Variants in CSMD1 observed in about 807,000 individuals in gnomAD.
The protein encoded by CSMD1 is CUB and sushi domain-containing protein 1.
CSMD1 carries 213 observed loss-of-function variants against 417.5 expected under a neutral mutation model. The ratio of observed to expected loss-of-function variants is 0.51; its 90% CI spans 0.46 to 0.57. CSMD1 has a LOEUF of 0.57. CSMD1 is among the 20% of genes least tolerant of loss of function. The pLI is 0.00. For synonymous variants in CSMD1, 2,862 were observed against 1,736.8 expected (o/e 1.65, Z -16.11); for missense variants, 6,923 against 4,529.7 (o/e 1.53, Z -15.17).
chr8:3,420,269 A>G (rs933522664), intron 12 of CSMD1, among the ~76,000 whole-genome samples: 1 of 152,102 alleles, frequency 6.6e-6, no homozygotes, highest in Non-Finnish European at 1.5e-5. Context: ...ATACAACCTG[A>G]GGAATAGTCT....
intron 12 of CSMD1, among the ~76,000 whole-genome samples, chr8:3,443,138 G>A (rs774326727): frequency 6.6e-6 from 1 of 152,198 alleles, no homozygotes; most frequent in African/African-American, 2.4e-5. Context: ...CTAGTGAGCA[G>A]TGTACACTGC....
At chr8:3,763,384 C>G (rs1423988039) in intron 5 of CSMD1, among the ~76,000 whole-genome samples, 3 of 152,050 alleles carry the variant, frequency 2.0e-5, no homozygotes, top group Admixed American at 6.5e-5. Context: ...GGTGCCTTCC[C>G]CATGGTAATG....
At chr8:4,932,288 C>G (rs185220242) in intron 1 of CSMD1, among the ~76,000 whole-genome samples, 178 of 151,290 alleles carry the variant, frequency 1.2e-3, no homozygotes, top group African/African-American at 4.2e-3. Context: ...ATAAAATTGT[C>G]TTAAAAAGTA....
intron 5 of CSMD1, among the ~76,000 whole-genome samples, chr8:3,904,870 C>G (rs1466960969): frequency 3.3e-5 from 5 of 152,118 alleles, no homozygotes; most frequent in Non-Finnish European, 7.4e-5. Flanking sequence ...CTCTTGACCT[C>G]AAGTGATCCA....
chr8:3,483,856 T>C (rs1817878931), intron 11 of CSMD1, among the ~76,000 whole-genome samples: 1 of 152,158 alleles, frequency 6.6e-6, no homozygotes, highest in African/African-American at 2.4e-5. Flanking sequence ...TCAATCAATG[T>C]CATCCACCAT....
intron 10 of CSMD1, among the ~76,000 whole-genome samples, chr8:3,524,790 G>A (rs944973364): frequency 6.7e-6 from 1 of 149,478 alleles, no homozygotes; most frequent in South Asian, 2.1e-4. Context: ...CGAGAGACAT[G>A]CACACAGAAG....
intron 18 of CSMD1, among the ~76,000 whole-genome samples, chr8:3,375,874 T>C (rs1810273940): frequency 6.6e-6 from 1 of 152,150 alleles, no homozygotes; most frequent in Non-Finnish European, 1.5e-5. Flanking sequence ...TTTTTTTCTC[T>C]TTGCACCTCA....
chr8:4,420,429 G>A (rs966773305), intron 2 of CSMD1, among the ~76,000 whole-genome samples: 5 of 151,842 alleles, frequency 3.3e-5, no homozygotes, highest in Non-Finnish European at 7.4e-5. Context: ...AGGTTTATTA[G>A]GTAGGTGAAG....
intron 1 of CSMD1, among the ~76,000 whole-genome samples, chr8:4,652,191 A>C (rs1312496550): frequency 6.6e-6 from 1 of 152,234 alleles, no homozygotes; most frequent in African/African-American, 2.4e-5. Context: ...GATTGCATTA[A>C]ATAGGAGTCT....
intron 10 of CSMD1, among the ~76,000 whole-genome samples, chr8:3,517,002 G>A (rs899349843): frequency 1.9e-4 from 29 of 152,188 alleles, no homozygotes; most frequent in Non-Finnish European, 1.2e-4. Context: ...ACAGGGCACT[G>A]GTTAGGTGTC....
At chr8:4,619,342 G>A (rs910837927) in intron 2 of CSMD1, among the ~76,000 whole-genome samples, 1 of 152,066 alleles carries the variant, frequency 6.6e-6, no homozygotes, top group Non-Finnish European at 1.5e-5. Flanking sequence ...ATTAACAAAG[G>A]GAATGTCAAT....
chr8:4,049,355 T>C (rs1798305971), intron 3 of CSMD1, among the ~76,000 whole-genome samples: 1 of 151,950 alleles, frequency 6.6e-6, no homozygotes, highest in African/African-American at 2.4e-5. Flanking sequence ...TCCAAGCTCC[T>C]AGAGTTCTAA....
chr8:4,271,653 T>G (rs1804604943), intron 3 of CSMD1, among the ~76,000 whole-genome samples: 2 of 151,896 alleles, frequency 1.3e-5, no homozygotes, highest in African/African-American at 2.4e-5. Flanking sequence ...AGAAAAGAAA[T>G]GGTAAAATAC....
intron 5 of CSMD1, among the ~76,000 whole-genome samples, chr8:3,802,837 C>A (rs188529676): frequency 4.5e-4 from 68 of 152,112 alleles, no homozygotes; most frequent in Non-Finnish European, 1.3e-4. Context: ...GTGAAGGGCA[C>A]TTTTAAGCAT....
At chr8:3,120,773 G>C (rs1052602311) in intron 41 of CSMD1, among the ~76,000 whole-genome samples, 1 of 152,020 alleles carries the variant, frequency 6.6e-6, no homozygotes, top group African/African-American at 2.4e-5. Context: ...CTTAAACCCA[G>C]GAGCAGAAGG....
chr8:4,013,324 A>AC (rs148162939), intron 4 of CSMD1, among the ~76,000 whole-genome samples: 1,973 of 152,234 alleles, frequency 0.013, 22 homozygotes, highest in Non-Finnish European at 0.018. Context: ...CACTCACCGT[A>AC]CGCTGTTGTC....
intron 3 of CSMD1, among the ~76,000 whole-genome samples, chr8:4,292,645 A>G (rs889109776): frequency 6.6e-6 from 1 of 152,206 alleles, no homozygotes; most frequent in Non-Finnish European, 1.5e-5. Flanking sequence ...TCAGTCTTGC[A>G]TCATCAACAT....
intron 54 of CSMD1, among the ~76,000 whole-genome samples, chr8:2,981,099 C>T (rs1019090671): frequency 2.0e-5 from 3 of 152,136 alleles, no homozygotes; most frequent in African/African-American, 7.2e-5. Flanking sequence ...ACAGCTGCAA[C>T]TATGTGCTGG....
At chr8:3,271,083 C>G (rs1801817188) in intron 26 of CSMD1, among the ~76,000 whole-genome samples, 1 of 121,236 alleles carries the variant, frequency 8.2e-6, no homozygotes, top group Non-Finnish European at 1.7e-5. Context: ...CCCCCCTCCC[C>G]CCACCCCACA....
Sources: gnomAD v4.1 joint callset for allele counts (sites outside exome capture counted in the v4.1 genomes callset) on GRCh38, gnomAD v4.1.1 for gene constraint, MANE v1.5 for transcripts, NCBI Gene and HGNC (gene_info 2026-07-23, HGNC 2026-07-21) for gene names.